The following CSNK2A2IP variants were observed in gnomAD, a reference collection of about 807,000 sequenced individuals.
CSNK2A2IP encodes casein kinase 2 subunit alpha' interacting protein.
At chr3:88,439,101 C>G in the CSNK2A2IP span, among the ~76,000 whole-genome samples, 1 of 152,140 alleles carries the variant, frequency 6.6e-6, no homozygotes, top group Admixed American at 6.5e-5. Flanking sequence ...TCCATGAAAT[C>G]TTTTCTAATC....
At chr3:88,355,919 T>C in the CSNK2A2IP span, among the ~76,000 whole-genome samples, 2 of 152,278 alleles carry the variant, frequency 1.3e-5, no homozygotes, top group East Asian at 3.9e-4. Context: ...AATTGTCCCA[T>C]AGTTAACCGA....
chr3:88,455,137 T>C, the CSNK2A2IP span, among the ~76,000 whole-genome samples: 1 of 151,916 alleles, frequency 6.6e-6, no homozygotes, highest in East Asian at 1.9e-4. Context: ...TACATTCATC[T>C]ACTGACTGAC....
At chr3:88,404,914 T>G in the CSNK2A2IP span, among the ~76,000 whole-genome samples, 1 of 152,116 alleles carries the variant, frequency 6.6e-6, no homozygotes, top group Admixed American at 6.6e-5. Flanking sequence ...GCTAAGTCAG[T>G]TTAATAAGAA....
chr3:88,461,263 A>G, the CSNK2A2IP span, among the ~76,000 whole-genome samples: 1 of 152,122 alleles, frequency 6.6e-6, no homozygotes, highest in Non-Finnish European at 1.5e-5. Context: ...TATAAAAAAT[A>G]CTAATTTAGG....
At chr3:88,380,415 C>A in the CSNK2A2IP span, among the ~76,000 whole-genome samples, 5 of 151,484 alleles carry the variant, frequency 3.3e-5, no homozygotes, top group African/African-American at 9.7e-5. Flanking sequence ...TTCAAGGGCA[C>A]AAACTATGTT....
chr3:88,426,456 C>A, the CSNK2A2IP span, among the ~76,000 whole-genome samples: 1 of 152,296 alleles, frequency 6.6e-6, no homozygotes, highest in African/African-American at 2.4e-5. Flanking sequence ...TGTATTTTAA[C>A]AAAATAATTC....
the CSNK2A2IP span, among the ~76,000 whole-genome samples, chr3:88,404,207 T>C: frequency 6.6e-6 from 1 of 152,034 alleles, no homozygotes; most frequent in African/African-American, 2.4e-5. Context: ...AGGAAAGGTG[T>C]GGGGCTGCTA....
chr3:88,460,314 C>T, the CSNK2A2IP span, among the ~76,000 whole-genome samples: 1 of 152,238 alleles, frequency 6.6e-6, no homozygotes, highest in South Asian at 2.1e-4. Context: ...AACTGGGACA[C>T]ATTCAGAAAT....
At chr3:88,365,170 A>C in the CSNK2A2IP span, among the ~76,000 whole-genome samples, 1 of 152,200 alleles carries the variant, frequency 6.6e-6, no homozygotes, top group African/African-American at 2.4e-5. Context: ...AAAATATACA[A>C]GACAGCTGGA....
chr3:88,340,342 G>A, the CSNK2A2IP span, among the ~76,000 whole-genome samples: 66,505 of 151,674 alleles, frequency 0.44, 15,820 homozygotes, highest in South Asian at 0.62. Context: ...ATTGAATTTA[G>A]GATTTATAGC....
the CSNK2A2IP span, among the ~76,000 whole-genome samples, chr3:88,339,795 A>T: frequency 6.6e-6 from 1 of 152,036 alleles, no homozygotes; most frequent in Non-Finnish European, 1.5e-5. Flanking sequence ...TTTGTGTGAA[A>T]AAATGTTAAC....
At chr3:88,431,768 G>C in the CSNK2A2IP span, among the ~76,000 whole-genome samples, 1,663 of 152,148 alleles carry the variant, frequency 0.011, 15 homozygotes, top group Non-Finnish European at 0.019. Flanking sequence ...AAACTAATTT[G>C]AACTTCTGGA....
chr3:88,397,073 A>G, the CSNK2A2IP span, among the ~76,000 whole-genome samples: 6 of 152,338 alleles, frequency 3.9e-5, no homozygotes, highest in Non-Finnish European at 8.8e-5. Flanking sequence ...TAGATATATG[A>G]TAAGTGTGCT....
chr3:88,464,993 A>G, the CSNK2A2IP span: 1 of 164,874 alleles, frequency 6.1e-6, no homozygotes, highest in Non-Finnish European at 1.3e-5. Context: ...AATTTGACAT[A>G]ACACCTGTGC....
At chr3:88,429,693 T>C in the CSNK2A2IP span, among the ~76,000 whole-genome samples, 415 of 152,276 alleles carry the variant, frequency 2.7e-3, 2 homozygotes, top group African/African-American at 9.3e-3. Flanking sequence ...CAGACCTTGG[T>C]ATTCTTCTAA....
chr3:88,388,831 G>T, the CSNK2A2IP span, among the ~76,000 whole-genome samples: 1 of 151,990 alleles, frequency 6.6e-6, no homozygotes, highest in Non-Finnish European at 1.5e-5. Flanking sequence ...TTCCATGGAA[G>T]TTATAGCTAC....
At chr3:88,357,391 T>G in the CSNK2A2IP span, among the ~76,000 whole-genome samples, 1 of 152,164 alleles carries the variant, frequency 6.6e-6, no homozygotes, top group Non-Finnish European at 1.5e-5. Context: ...TTAAATGTAT[T>G]ATTTTATTCA....
At chr3:88,464,147 A>C in the CSNK2A2IP span, among the ~76,000 whole-genome samples, 1 of 127,144 alleles carries the variant, frequency 7.9e-6, no homozygotes, top group Admixed American at 8.7e-5. Context: ...GGAACATCAC[A>C]CACCGGGGAC....
the CSNK2A2IP span, among the ~76,000 whole-genome samples, chr3:88,402,732 G>T: frequency 6.6e-6 from 1 of 151,954 alleles, no homozygotes; most frequent in Non-Finnish European, 1.5e-5. Context: ...TACATAAAGA[G>T]TATAAAAACA....
Sources: gnomAD v4.1 joint callset for allele counts (sites outside exome capture counted in the v4.1 genomes callset) on GRCh38, gnomAD v4.1.1 for gene constraint, MANE v1.5 for transcripts, NCBI Gene and HGNC (gene_info 2026-07-23, HGNC 2026-07-21) for gene names.